GALNT17: variants seen among roughly 807,000 people sequenced by gnomAD.
GALNT17 encodes the protein UDP-GalNAc:polypeptide N-acetylgalactosaminyltransferase-like 3.
Under a neutral mutation model 63.7 loss-of-function variants are expected in GALNT17, and 29 were observed. That is an observed-to-expected ratio of 0.46 (90% CI 0.34 to 0.62). The LOEUF is 0.62. Among genes scored for constraint, GALNT17 ranks in the 20% least tolerant of loss-of-function variants. The pLI is 0.01. For missense variants in GALNT17, 603 were observed against 799.6 expected (o/e 0.75, Z 2.97); for synonymous variants, 305 against 318.3 (o/e 0.96, Z 0.45).
At chr7:71,567,331 T>G (rs1789365749) in intron 5 of GALNT17, among the ~76,000 whole-genome samples, 1 of 152,226 alleles carries the variant, frequency 6.6e-6, no homozygotes, top group Admixed American at 6.5e-5. Context: ...ATGCGATTTC[T>G]GTAAACACAC....
intron 5 of GALNT17, among the ~76,000 whole-genome samples, chr7:71,485,961 A>G (rs1787901485): frequency 6.6e-6 from 1 of 152,168 alleles, no homozygotes; most frequent in Non-Finnish European, 1.5e-5. Context: ...ACTGACCCAG[A>G]TTTTATGTTA....
chr7:71,573,693 G>A (rs1247307826), intron 6 of GALNT17, among the ~76,000 whole-genome samples: 1 of 151,938 alleles, frequency 6.6e-6, no homozygotes, highest in East Asian at 1.9e-4. Flanking sequence ...TTCATGTGCA[G>A]GTTTGTTATA....
intron 1 of GALNT17, among the ~76,000 whole-genome samples, chr7:71,304,786 G>T (rs1468077441): frequency 2.0e-5 from 3 of 149,536 alleles, no homozygotes; most frequent in African/African-American, 7.4e-5. Flanking sequence ...TTTTGCTCTT[G>T]TTGCCCAGGC....
chr7:71,705,409 T>C (rs1278714037), intron 9 of GALNT17, among the ~76,000 whole-genome samples: 1 of 152,172 alleles, frequency 6.6e-6, no homozygotes, highest in African/African-American at 2.4e-5. Flanking sequence ...GGTTCATTGC[T>C]GGTGGGAGTG....
chr7:71,151,410 A>G (rs897412785), intron 1 of GALNT17, among the ~76,000 whole-genome samples: 3 of 152,100 alleles, frequency 2.0e-5, no homozygotes, highest in Non-Finnish European at 4.4e-5. Flanking sequence ...TCACGAGGTC[A>G]GGAGATCGAG....
chr7:71,519,926 A>G (rs1013236643), intron 5 of GALNT17, among the ~76,000 whole-genome samples: 1 of 152,216 alleles, frequency 6.6e-6, no homozygotes, highest in African/African-American at 2.4e-5. Flanking sequence ...AACGTCTCCA[A>G]TAAAATAATA....
intron 1 of GALNT17, among the ~76,000 whole-genome samples, chr7:71,239,333 C>A (rs1445700862): frequency 6.7e-6 from 1 of 149,024 alleles, no homozygotes. Flanking sequence ...ATTAGCTGGG[C>A]ATGGTGGTAC....
chr7:71,237,803 G>A (rs1026663969), intron 1 of GALNT17, among the ~76,000 whole-genome samples: 7 of 152,122 alleles, frequency 4.6e-5, no homozygotes, highest in Non-Finnish European at 1.0e-4. Context: ...AACTTTTTGG[G>A]GATGTTTTCC....
At chr7:71,451,122 T>A (rs4236249) in intron 5 of GALNT17, among the ~76,000 whole-genome samples, 79,749 of 151,494 alleles carry the variant, frequency 0.53, 23,014 homozygotes, top group Non-Finnish European at 0.66. Flanking sequence ...GATGTTCCCC[T>A]TCCTGTGTCC....
chr7:71,514,089 G>A (rs925492678), intron 5 of GALNT17, among the ~76,000 whole-genome samples: 2 of 152,202 alleles, frequency 1.3e-5, no homozygotes, highest in African/African-American at 4.8e-5. Context: ...TAGCAATTCA[G>A]GAGGCTGAAG....
At chr7:71,700,430 A>G (rs139132882) in intron 9 of GALNT17, among the ~76,000 whole-genome samples, 382 of 152,176 alleles carry the variant, frequency 2.5e-3, no homozygotes, top group African/African-American at 8.6e-3. Context: ...TTCCATCCTC[A>G]TTGCAGTTCA....
chr7:71,448,781 A>G (rs1462433295), intron 5 of GALNT17, among the ~76,000 whole-genome samples: 2 of 152,204 alleles, frequency 1.3e-5, no homozygotes, highest in East Asian at 1.9e-4. Flanking sequence ...TTCCAAACTC[A>G]TCAAGTTGTA....
intron 2 of GALNT17, among the ~76,000 whole-genome samples, chr7:71,338,028 T>C (rs1791941343): frequency 1.3e-5 from 2 of 151,834 alleles, no homozygotes; most frequent in African/African-American, 2.4e-5. Flanking sequence ...GGCAAAGCAT[T>C]GTCTCTACAA....
chr7:71,614,510 A>C (rs1790169581), intron 6 of GALNT17, among the ~76,000 whole-genome samples: 1 of 151,954 alleles, frequency 6.6e-6, no homozygotes, highest in South Asian at 2.1e-4. Flanking sequence ...GGTTCCAGCC[A>C]CTCAAGAGGC....
At chr7:71,153,907 C>CA (rs1788180328) in intron 1 of GALNT17, among the ~76,000 whole-genome samples, 2 of 149,740 alleles carry the variant, frequency 1.3e-5, no homozygotes, top group African/African-American at 4.9e-5. Context: ...GACTCTGTCT[C>CA]AAAAAATAAT....
intron 6 of GALNT17, among the ~76,000 whole-genome samples, chr7:71,572,508 A>AC (rs1789460978): frequency 1.6e-5 from 2 of 123,724 alleles, no homozygotes; most frequent in Non-Finnish European, 1.7e-5. Context: ...TCTCATTAAA[A>AC]AAAAAAAAAA....
chr7:71,459,869 G>A (rs1787421857), intron 5 of GALNT17, among the ~76,000 whole-genome samples: 1 of 152,070 alleles, frequency 6.6e-6, no homozygotes, highest in Admixed American at 6.6e-5. Flanking sequence ...AAAGAACCTT[G>A]GTCTCCACAA....
At chr7:71,682,401 A>T (rs931234499) in intron 9 of GALNT17, among the ~76,000 whole-genome samples, 2 of 152,178 alleles carry the variant, frequency 1.3e-5, no homozygotes, top group Middle Eastern at 3.4e-3. Flanking sequence ...ACTGCTGTGA[A>T]CTTGACCTTC....
chr7:71,155,149 C>G (rs1393678551), intron 1 of GALNT17, among the ~76,000 whole-genome samples: 1 of 151,844 alleles, frequency 6.6e-6, no homozygotes, highest in Non-Finnish European at 1.5e-5. Flanking sequence ...GCTCCCTCCC[C>G]GTGGACGACG....
Sources: gnomAD v4.1 joint callset for allele counts (sites outside exome capture counted in the v4.1 genomes callset) on GRCh38, gnomAD v4.1.1 for gene constraint, MANE v1.5 for transcripts, NCBI Gene and HGNC (gene_info 2026-07-23, HGNC 2026-07-21) for gene names.